The following PTPRN2 variants were observed in gnomAD, a reference collection of about 807,000 sequenced individuals.
PTPRN2 encodes the protein receptor-type tyrosine-protein phosphatase N2.
PTPRN2 carries 74 observed loss-of-function variants against 118.8 expected under a neutral mutation model. That is an observed-to-expected ratio of 0.62 (90% CI 0.52 to 0.76). The LOEUF (loss-of-function observed/expected upper bound fraction) is 0.76, where lower values mean the gene tolerates loss of function less well. PTPRN2 is among the 30% of genes least tolerant of loss of function. The pLI, the probability that PTPRN2 is intolerant of heterozygous loss-of-function variation, is 0.00. For synonymous variants in PTPRN2, 641 were observed against 608.0 expected (o/e 1.05, Z -0.80); for missense variants, 1,481 against 1,394.4 (o/e 1.06, Z -0.99).
intron 17 of PTPRN2, among the ~76,000 whole-genome samples, chr7:157,593,801 C>G (rs1387313336): frequency 6.6e-6 from 1 of 152,186 alleles, no homozygotes; most frequent in Admixed American, 6.5e-5. Flanking sequence ...ATGTTCTCAC[C>G]GGGCTGGGCG....
rs1476923076 is a variant in PTPRN2 at position 158,167,167 on chromosome 7, T to A, written c.674A>T (p.Gln225Leu). The A allele has an allele frequency of 6.2e-7, 1 of 1,613,950 alleles. No homozygotes were observed. The highest frequency in any genetic ancestry group is 2.2e-5 in the East Asian group (1 of 44,876). ...DLLPRTLGQL[Q>L]PDELSPKVDS... Reference sequence around the variant, plus strand: ...CACCTTAGGGCTGAGCTCATCTGGCTGGAGCTGGCCGAGGGTCCGCGGCAG... The same window carrying A: ...CACCTTAGGGCTGAGCTCATCTGGCAGGAGCTGGCCGAGGGTCCGCGGCAG... The change falls in exon 6 of 23, where the codon CAG becomes CTG. Residue 225 changes from glutamine to leucine, a missense_variant. Around this residue, in one of 3 missense-constraint regions of PTPRN2, gnomAD observed 1,115 missense variants for 994.2 expected, o/e 1.12. Transcript: ENST00000389418.
intron 11 of PTPRN2, among the ~76,000 whole-genome samples, chr7:157,936,233 G>T (rs1799689559): frequency 6.6e-6 from 1 of 152,204 alleles, no homozygotes; most frequent in Non-Finnish European, 1.5e-5. Context: ...GGTCTGAATT[G>T]ATTTTGCCTC....
At position 158,330,085 on chromosome 7, in the gene PTPRN2, T is replaced by C. The variant is rs868092392; in HGVS notation, c.164-13153A>G. Among the ~76,000 whole-genome samples the C allele has an allele frequency of 6.4e-3, 615 of 95,530 alleles. 4 individuals are homozygous for C. The highest frequency in any genetic ancestry group is 0.025 in the African/African-American group (517 of 20,838). The allele number at this position is 95,530 out of a possible 152,430, so 62.7% of individuals were successfully genotyped here. A position where few individuals can be genotyped will look rare whatever the true frequency, so the allele number is the denominator to read the frequency against. ...CACTCTCACCATAAGAGCTGACACC[T>C]GCAGACGTCACTCACACCCACACTC... On this transcript the variant is annotated intron_variant, in intron 2 of 22. Coordinates refer to ENST00000389418, the MANE Select transcript of PTPRN2 (RefSeq NM_002847.5).
chr7:158,305,788 T>C (rs187025615), intron 3 of PTPRN2, among the ~76,000 whole-genome samples: 2 of 139,826 alleles, frequency 1.4e-5, no homozygotes, highest in East Asian at 4.0e-4. Flanking sequence ...CAGAGCAATT[T>C]ACTCAAAAAA....
chr7:158,042,015 G>A (rs2128890261), intron 11 of PTPRN2, among the ~76,000 whole-genome samples: 1 of 152,290 alleles, frequency 6.6e-6, no homozygotes, highest in South Asian at 2.1e-4. Context: ...CCTCAGCAAA[G>A]ACCAATGTCA....
chr7:158,082,853 C>T (rs1371171253), intron 10 of PTPRN2, among the ~76,000 whole-genome samples: 1 of 152,210 alleles, frequency 6.6e-6, no homozygotes, highest in Non-Finnish European at 1.5e-5. Context: ...TGGAAGCCGC[C>T]TCCAGGGATG....
intron 3 of PTPRN2, among the ~76,000 whole-genome samples, chr7:158,216,658 T>C (rs1827980877): frequency 6.6e-6 from 1 of 152,046 alleles, no homozygotes; most frequent in Admixed American, 6.6e-5. Context: ...ACTAAGAAGA[T>C]ACAGCAATCC....
intron 11 of PTPRN2, among the ~76,000 whole-genome samples, chr7:157,930,210 A>G (rs915228040): frequency 4.6e-5 from 7 of 152,140 alleles, no homozygotes; most frequent in African/African-American, 1.7e-4. Context: ...TATAAACTAG[A>G]AGTCCCACGC....
In PTPRN2 at chr7:157,779,056, C is replaced by A. The variant is rs573103185; in HGVS notation, c.1789-96119G>T. Among the ~76,000 whole-genome samples, 1 of 152,214 alleles carries A rather than the reference C, an allele frequency of 6.6e-6. No homozygotes were observed. Among genetic ancestry groups the A allele is most frequent in the Non-Finnish European group, 1.5e-5 (1 of 68,042 alleles). ...GGCCGTGTTCTCTGAGGGGTTGTGCCGGGGTCTTCAGACAGTGCCCTCCCT... is the reference window on the plus strand; with the variant it reads ...GGCCGTGTTCTCTGAGGGGTTGTGCAGGGGTCTTCAGACAGTGCCCTCCCT... On this transcript the variant is annotated intron_variant, in intron 12 of 22. Coordinates refer to ENST00000389418, the MANE Select transcript of PTPRN2 (RefSeq NM_002847.5). The surrounding 1 kb of genome is among the most constrained non-coding windows in gnomAD (Gnocchi z 4.7).
At chr7:158,259,866 CATGT>C (rs905068914) in intron 3 of PTPRN2, among the ~76,000 whole-genome samples, 40 of 148,504 alleles carry the variant, frequency 2.7e-4, no homozygotes, top group African/African-American at 1.0e-3. Context: ...CCCTGGTGTA[CATGT>C]ATGTGCGTTT....
At chr7:158,118,474 C>A (rs930494215) in intron 9 of PTPRN2, among the ~76,000 whole-genome samples, 6 of 152,018 alleles carry the variant, frequency 3.9e-5, no homozygotes, top group African/African-American at 1.4e-4. Flanking sequence ...GATAGTAATG[C>A]AGAAAATGAG....
At position 157,576,614 on chromosome 7, in the gene PTPRN2, TG is replaced by T; in HGVS notation, c.2781del (p.Arg928GlufsTer3). 1 of 1,609,420 alleles carries T rather than the reference TG, an allele frequency of 6.2e-7. No homozygotes were observed. The highest frequency in any genetic ancestry group is 1.1e-5 in the South Asian group (1 of 90,280). ...PSSSRSLLDF[R>X]RKVNKCYRGR... ...CTGCCGGCGGGCCGCGCGTCATACC[TG>T]CGGAAGTCCAGGAGGGACCTTGAGG... On this transcript the variant is annotated frameshift_variant and splice_region_variant, in exon 19 of 23. Coordinates refer to ENST00000389418, the MANE Select transcript of PTPRN2 (RefSeq NM_002847.5). LOFTEE classifies it high-confidence loss of function.
intron 12 of PTPRN2, among the ~76,000 whole-genome samples, chr7:157,880,197 G>A (rs764594978): frequency 1.6e-4 from 24 of 152,156 alleles, no homozygotes; most frequent in African/African-American, 4.8e-4. Context: ...ATTTGTTTGC[G>A]TTCACTTAGA....
chr7:157,824,404 C>T (rs2151146412), intron 12 of PTPRN2, among the ~76,000 whole-genome samples: 1 of 152,340 alleles, frequency 6.6e-6, no homozygotes, highest in South Asian at 2.1e-4. Context: ...TGGGAGGCCT[C>T]TGTCTGGTGC....
chr7:158,135,543 G>A (rs931659870), intron 8 of PTPRN2, among the ~76,000 whole-genome samples: 2 of 152,084 alleles, frequency 1.3e-5, no homozygotes, highest in African/African-American at 2.4e-5. Flanking sequence ...AAACAACAGA[G>A]AACTGAGTCA....
At chr7:158,578,982 C>G (rs1051250308) in intron 1 of PTPRN2, among the ~76,000 whole-genome samples, 14 of 152,118 alleles carry the variant, frequency 9.2e-5, no homozygotes, top group Non-Finnish European at 1.9e-4. Context: ...AGGCTGGTCT[C>G]GAACTCCTGA....
intron 11 of PTPRN2, among the ~76,000 whole-genome samples, chr7:158,026,158 T>C (rs4716882): frequency 0.68 from 104,017 of 152,150 alleles, 36,082 homozygotes; most frequent in East Asian, 0.76. Context: ...CTTCGCATGC[T>C]AATGTATTAT....
intron 2 of PTPRN2, among the ~76,000 whole-genome samples, chr7:158,417,616 CTGTGT>C (rs1814809118): frequency 6.6e-6 from 1 of 151,240 alleles, no homozygotes; most frequent in African/African-American, 2.4e-5. Context: ...CAGTGTCCCA[CTGTGT>C]TAAGTCACGG....
intron 12 of PTPRN2, among the ~76,000 whole-genome samples, chr7:157,890,371 G>T (rs1158809600): frequency 1.3e-5 from 2 of 152,186 alleles, no homozygotes; most frequent in Non-Finnish European, 2.9e-5. Context: ...GCTGGGCACG[G>T]TGGCTCAGGC....
Sources: allele counts gnomAD v4.1 joint callset (sites outside exome capture counted in the v4.1 genomes callset), GRCh38; gene constraint gnomAD v4.1.1; regional missense constraint gnomAD v4.1.1; non-coding constraint Gnocchi (gnomAD v3.1); transcripts MANE v1.5; gene names NCBI Gene and HGNC (gene_info 2026-07-23, HGNC 2026-07-21).